CNTNAP2: variants seen among roughly 807,000 people sequenced by gnomAD.
CNTNAP2 encodes the protein contactin-associated protein-like 2.
A neutral mutation model predicts 155.2 loss-of-function variants in CNTNAP2; 98 were observed. That is an observed-to-expected ratio of 0.63 (90% CI 0.54 to 0.75). The LOEUF (loss-of-function observed/expected upper bound fraction) is 0.75. Among genes scored for constraint, CNTNAP2 ranks in the 30% least tolerant of loss-of-function variants. The pLI is 0.00. For missense variants in CNTNAP2, 1,727 were observed against 1,688.1 expected, an observed-to-expected ratio of 1.02 and a Z score of -0.40; for synonymous variants, 651 against 631.2, an observed-to-expected ratio of 1.03 and a Z score of -0.47.
At chr7:148,342,595 C>G (rs2116583281) in intron 21 of CNTNAP2, among the ~76,000 whole-genome samples, 1 of 152,300 alleles carries the variant, frequency 6.6e-6, no homozygotes, top group South Asian at 2.1e-4. Context: ...TAATCATAGT[C>G]AAAATTCATT....
chr7:147,604,142 C>T (rs1022575176), intron 12 of CNTNAP2, among the ~76,000 whole-genome samples: 1 of 152,002 alleles, frequency 6.6e-6, no homozygotes, highest in Admixed American at 6.6e-5. Flanking sequence ...CTAGGCATTA[C>T]CATTCAGGAC....
chr7:148,172,848 T>C (rs1320650387), intron 18 of CNTNAP2, among the ~76,000 whole-genome samples: 1 of 152,136 alleles, frequency 6.6e-6, no homozygotes, highest in Non-Finnish European at 1.5e-5. Flanking sequence ...AATTGATCAG[T>C]CAATTTCTGT....
intron 3 of CNTNAP2, among the ~76,000 whole-genome samples, chr7:146,936,942 C>T (rs939062929): frequency 1.3e-5 from 2 of 152,136 alleles, no homozygotes; most frequent in African/African-American, 2.4e-5. Context: ...CACTAAACTC[C>T]TTTAAATTTA....
At chr7:148,200,839 T>C (rs1056360467) in intron 18 of CNTNAP2, among the ~76,000 whole-genome samples, 2 of 152,204 alleles carry the variant, frequency 1.3e-5, no homozygotes, top group South Asian at 4.1e-4. Flanking sequence ...TCTCTGAATC[T>C]CCATTCCCTC....
At chr7:147,513,393 T>C (rs75028130) in intron 11 of CNTNAP2, among the ~76,000 whole-genome samples, 3,126 of 152,290 alleles carry the variant, frequency 0.021, 37 homozygotes, top group Middle Eastern at 0.041. Context: ...TAATGTATTA[T>C]GAATAAATGT....
At chr7:146,709,902 C>T (rs1254618121) in intron 1 of CNTNAP2, among the ~76,000 whole-genome samples, 2 of 152,152 alleles carry the variant, frequency 1.3e-5, no homozygotes, top group African/African-American at 4.8e-5. Flanking sequence ...TTTGGAAACA[C>T]AGGCTGGCTC....
chr7:147,064,131 T>TA (rs1279476615), intron 4 of CNTNAP2, among the ~76,000 whole-genome samples: 1 of 152,192 alleles, frequency 6.6e-6, no homozygotes, highest in Non-Finnish European at 1.5e-5. Context: ...AATGGCATGT[T>TA]AAAGTAGTAT....
At chr7:147,601,155 C>CTCCTG (rs1563016212) in intron 12 of CNTNAP2, among the ~76,000 whole-genome samples, 1 of 151,882 alleles carries the variant, frequency 6.6e-6, no homozygotes, top group African/African-American at 2.4e-5. Context: ...TCTGTCTCCT[C>CTCCTG]CCTCCTGTGA....
Position 146,835,863 on chromosome 7 carries a change from C to T in CNTNAP2, c.209-3848C>T, listed in dbSNP as rs565420766. ...GTTTCAATGAAGTCTTTGACCAATC[C>T]CTGCAGGGAGCTCTGAGACTGTGAA... On this transcript the variant is annotated intron_variant, in intron 2 of 23. Coordinates refer to ENST00000361727, the MANE Select transcript of CNTNAP2 (RefSeq NM_014141.6). Among the ~76,000 whole-genome samples the T allele has an allele frequency of 6.8e-4, 104 of 152,036 alleles. 1 individual carries two copies. Among genetic ancestry groups the T allele is most frequent in the Admixed American group, 2.3e-3 (35 of 15,250 alleles).
chr7:148,374,080 T>C (rs1319766606), intron 21 of CNTNAP2, among the ~76,000 whole-genome samples: 1 of 152,212 alleles, frequency 6.6e-6, no homozygotes, highest in Non-Finnish European at 1.5e-5. Context: ...GTTCTCCCTC[T>C]CAGTTTCTTC....
chr7:146,889,422 C>T (rs1795734625), intron 3 of CNTNAP2, among the ~76,000 whole-genome samples: 1 of 151,986 alleles, frequency 6.6e-6, no homozygotes, highest in African/African-American at 2.4e-5. Flanking sequence ...TTGGGTAAGT[C>T]TCCTTAACTC....
At chr7:147,605,503 G>T (rs751313691) in intron 12 of CNTNAP2, among the ~76,000 whole-genome samples, 6 of 152,134 alleles carry the variant, frequency 3.9e-5, no homozygotes, top group Non-Finnish European at 8.8e-5. Flanking sequence ...TTGTCATGCA[G>T]ATAAAGTCTC....
At position 146,926,024 on chromosome 7, in the gene CNTNAP2, G is replaced by T. The variant is rs988523207; in HGVS notation, c.402+86120G>T. On this transcript the variant is annotated intron_variant, in intron 3 of 23. Coordinates refer to ENST00000361727, the MANE Select transcript of CNTNAP2 (RefSeq NM_014141.6). ...GACCAGCCGTTTCACTATTCAATTTGAAAGTATGCTTATGTTATTTATCAA... is the reference window on the plus strand; with the variant it reads ...GACCAGCCGTTTCACTATTCAATTTTAAAGTATGCTTATGTTATTTATCAA... Among the ~76,000 whole-genome samples the T allele has an allele frequency of 9.9e-5, 15 of 151,988 alleles. No individual in the cohort carries two copies. The East Asian group carries it at 2.7e-3, about 28-fold the overall frequency.
chr7:148,326,479 C>T (rs915515229), intron 21 of CNTNAP2, among the ~76,000 whole-genome samples: 7 of 152,158 alleles, frequency 4.6e-5, no homozygotes, highest in African/African-American at 1.7e-4. Context: ...CTCCTCACTC[C>T]CATGATTCTG....
chr7:147,437,554 T>A (rs1797572096), intron 10 of CNTNAP2, among the ~76,000 whole-genome samples: 1 of 152,148 alleles, frequency 6.6e-6, no homozygotes, highest in African/African-American at 2.4e-5. Context: ...ATTCCATTGA[T>A]CTGTTTGTCC....
intron 4 of CNTNAP2, among the ~76,000 whole-genome samples, chr7:147,048,313 G>A (rs948962261): frequency 6.6e-6 from 1 of 152,070 alleles, no homozygotes; most frequent in Non-Finnish European, 1.5e-5. Context: ...CTTGGAACCA[G>A]AGGCTGTAGT....
intron 21 of CNTNAP2, among the ~76,000 whole-genome samples, chr7:148,352,521 C>T (rs767239197): frequency 6.6e-6 from 1 of 152,146 alleles, no homozygotes; most frequent in African/African-American, 2.4e-5. Context: ...GTGAATGTGC[C>T]GCCAAATTGG....
At chr7:147,912,162 G>C (rs1307129972) in intron 14 of CNTNAP2, among the ~76,000 whole-genome samples, 1 of 152,178 alleles carries the variant, frequency 6.6e-6, no homozygotes, top group South Asian at 2.1e-4. Flanking sequence ...GGCACTCACA[G>C]CTACCTCACA....
At chr7:147,098,008 A>C (rs957154835) in intron 4 of CNTNAP2, among the ~76,000 whole-genome samples, 3 of 152,184 alleles carry the variant, frequency 2.0e-5, no homozygotes, top group African/African-American at 7.2e-5. Flanking sequence ...CTGTGTAGTG[A>C]TAATGCATCA....
Sources: allele counts gnomAD v4.1 joint callset (sites outside exome capture counted in the v4.1 genomes callset), GRCh38; gene constraint gnomAD v4.1.1; transcripts MANE v1.5; gene names NCBI Gene and HGNC (gene_info 2026-07-23, HGNC 2026-07-21).